The following GPHN variants were observed in gnomAD, a reference collection of about 807,000 sequenced individuals.
GPHN encodes the protein gephyrin.
In GPHN, 17 loss-of-function variants were observed where a neutral mutation model predicts 95.5. The observed-to-expected ratio is 0.18, with a 90% CI of 0.12 to 0.27. The LOEUF (loss-of-function observed/expected upper bound fraction) is 0.27, where lower values mean the gene tolerates loss of function less well. Ranked by LOEUF, GPHN falls within the 10% of genes least tolerant of loss-of-function variation. GPHN has a pLI of 1.00. For synonymous variants in GPHN, 320 were observed against 322.5 expected, an observed-to-expected ratio of 0.99 and a Z score of 0.08; for missense variants, 660 against 978.1, an observed-to-expected ratio of 0.67 and a Z score of 4.34.
intron 4 of GPHN, among the ~76,000 whole-genome samples, chr14:66,866,258 G>A (rs188995746): frequency 8.5e-5 from 13 of 152,050 alleles, no homozygotes; most frequent in Admixed American, 3.9e-4. Flanking sequence ...ACAGGAATGA[G>A]TAACTCTTTT....
At chr14:66,935,086 A>G (rs1247276856) in intron 8 of GPHN, among the ~76,000 whole-genome samples, 1 of 152,204 alleles carries the variant, frequency 6.6e-6, no homozygotes, top group African/African-American at 2.4e-5. Flanking sequence ...TATAAAATAA[A>G]TGAAGATATT....
At chr14:67,586,714 A>G in the GPHN span, 5 of 866,832 alleles carry the variant, frequency 5.8e-6, no homozygotes, top group Non-Finnish European at 7.8e-6. Context: ...TCCTAAAGTT[A>G]GAGTTTGCCA....
At chr14:66,985,353 A>G (rs528542088) in intron 9 of GPHN, among the ~76,000 whole-genome samples, 2 of 152,330 alleles carry the variant, frequency 1.3e-5, no homozygotes, top group Admixed American at 6.5e-5. Context: ...GTACATAGGT[A>G]TATTTGTAAT....
the GPHN span, among the ~76,000 whole-genome samples, chr14:67,418,565 G>A: frequency 3.3e-5 from 5 of 152,310 alleles, no homozygotes; most frequent in East Asian, 9.7e-4. Flanking sequence ...GCCCCGCGCG[G>A]CCCAGATAGG....
At chr14:66,653,660 A>T (rs149769211) in intron 1 of GPHN, among the ~76,000 whole-genome samples, 1 of 152,334 alleles carries the variant, frequency 6.6e-6, no homozygotes, top group East Asian at 1.9e-4. Flanking sequence ...TTAAATCAAG[A>T]AACTTATATA....
chr14:67,471,281 T>C, the GPHN span: 8 of 152,020 alleles, frequency 5.3e-5, no homozygotes, highest in Non-Finnish European at 8.8e-5. Context: ...CTGAGAATTA[T>C]GGAGGCATCA....
intron 3 of GPHN, among the ~76,000 whole-genome samples, chr14:66,807,217 C>T (rs1284875321): frequency 6.6e-6 from 1 of 152,092 alleles, no homozygotes; most frequent in Non-Finnish European, 1.5e-5. Context: ...ACAAGAACAG[C>T]ACAGGAAAAT....
the GPHN span, chr14:67,650,648 G>C: frequency 6.8e-7 from 1 of 1,463,698 alleles, no homozygotes; most frequent in Non-Finnish European, 9.6e-7. Context: ...CCCTGTCCCA[G>C]TGGGATGACC....
At chr14:67,658,411 G>A in the GPHN span, among the ~76,000 whole-genome samples, 3 of 151,906 alleles carry the variant, frequency 2.0e-5, no homozygotes, top group African/African-American at 4.8e-5. Context: ...TGGCTAACAC[G>A]GTGAAACCCC....
rs111511350 is a variant in GPHN at position 66,791,233 on chromosome 14, A to C, written c.201+14712A>C. Among the ~76,000 whole-genome samples the C allele has an allele frequency of 3.7e-3, 562 of 152,268 alleles. 12 individuals are homozygous for C. The highest frequency in any genetic ancestry group is 0.013 in the African/African-American group (533 of 41,544). ...CTGAAAGTCGGCCAATCAGTGCTGC[A>C]GTCTATTTCCTTTGGGTTGGGGGTT... On this transcript the variant is annotated intron_variant, in intron 3 of 22. Transcript: ENST00000478722.
the GPHN span, among the ~76,000 whole-genome samples, chr14:67,681,733 C>T: frequency 6.6e-6 from 1 of 151,942 alleles, no homozygotes; most frequent in Non-Finnish European, 1.5e-5. Flanking sequence ...AGTGAGCAGC[C>T]TGGGTCACAG....
chr14:66,804,723 G>A (rs1223825794), intron 3 of GPHN, among the ~76,000 whole-genome samples: 1 of 152,046 alleles, frequency 6.6e-6, no homozygotes, highest in Non-Finnish European at 1.5e-5. Context: ...CTCCTCTTTG[G>A]AATTTTATTT....
the GPHN span, among the ~76,000 whole-genome samples, chr14:67,222,315 G>T: frequency 6.6e-6 from 1 of 152,100 alleles, no homozygotes; most frequent in Non-Finnish European, 1.5e-5. Flanking sequence ...TTTTTTGTGA[G>T]GCGTAGTCTC....
chr14:67,468,170 C>T, the GPHN span, among the ~76,000 whole-genome samples: 968 of 152,222 alleles, frequency 6.4e-3, 6 homozygotes, highest in Non-Finnish European at 9.4e-3. Context: ...GATGGGGTTT[C>T]ACCATGTTGG....
chr14:67,234,703 C>T, the GPHN span, among the ~76,000 whole-genome samples: 2 of 152,132 alleles, frequency 1.3e-5, no homozygotes, highest in African/African-American at 2.4e-5. Flanking sequence ...GCTTGCACTA[C>T]CAAGCCTAGC....
At chr14:66,598,671 C>A (rs1385865154) in intron 1 of GPHN, among the ~76,000 whole-genome samples, 7 of 151,984 alleles carry the variant, frequency 4.6e-5, no homozygotes, top group African/African-American at 9.7e-5. Flanking sequence ...ATGGTGAAAC[C>A]CCATCTCTAC....
At chr14:66,744,388 T>A (rs1204399960) in intron 2 of GPHN, among the ~76,000 whole-genome samples, 1 of 152,220 alleles carries the variant, frequency 6.6e-6, no homozygotes, top group Non-Finnish European at 1.5e-5. Flanking sequence ...CTCTTCAGCA[T>A]TACCTGTAAT....
the GPHN span, among the ~76,000 whole-genome samples, chr14:67,536,019 C>T: frequency 2.4e-3 from 371 of 152,284 alleles, 1 homozygote; most frequent in African/African-American, 7.7e-3. Flanking sequence ...TGCCTGAGCT[C>T]GTATTCAAAC....
At chr14:67,161,124 C>T (rs1320079436) in intron 19 of GPHN, among the ~76,000 whole-genome samples, 2 of 152,052 alleles carry the variant, frequency 1.3e-5, no homozygotes, top group Non-Finnish European at 2.9e-5. Flanking sequence ...GAAACCCCAT[C>T]TCTATAAAAA....
Sources: gnomAD v4.1 joint callset for allele counts (sites outside exome capture counted in the v4.1 genomes callset) on GRCh38, gnomAD v4.1.1 for gene constraint, MANE v1.5 for transcripts, NCBI Gene and HGNC (gene_info 2026-07-23, HGNC 2026-07-21) for gene names.